DYNC2I2: variants seen among roughly 807,000 people sequenced by gnomAD.
DYNC2I2 encodes the protein dynein 2 intermediate chain 2, also known as cytoplasmic dynein 2 intermediate chain 2.
In DYNC2I2, 39 loss-of-function variants were observed where a neutral mutation model predicts 52.0. That is an observed-to-expected ratio of 0.75 (90% CI 0.58 to 0.98). DYNC2I2 has a LOEUF of 0.98. DYNC2I2 is among the 50% of genes least tolerant of loss of function. The probability of loss-of-function intolerance (pLI) is 0.00; values close to 1 mark genes in which losing one functional copy is unlikely to be tolerated. For synonymous variants in DYNC2I2, 359 were observed against 321.1 expected, an observed-to-expected ratio of 1.12 and a Z score of -1.26; for missense variants, 743 against 728.4, an observed-to-expected ratio of 1.02 and a Z score of -0.23.
intron 1 of DYNC2I2, among the ~76,000 whole-genome samples, chr9:128,649,448 G>C (rs1211145402): frequency 2.7e-5 from 4 of 149,872 alleles, no homozygotes; most frequent in African/African-American, 9.7e-5. Flanking sequence ...CAGCACTTTG[G>C]GAGGCCAAGG....
the DYNC2I2 span, among the ~76,000 whole-genome samples, chr9:128,682,090 G>A: frequency 6.3e-3 from 936 of 148,576 alleles, 10 homozygotes; most frequent in African/African-American, 0.019. Context: ...TGACAGTCTC[G>A]CTCTGTCGCT....
At chr9:128,680,909 C>T in the DYNC2I2 span, among the ~76,000 whole-genome samples, 1 of 152,026 alleles carries the variant, frequency 6.6e-6, no homozygotes. Flanking sequence ...CTCCTGACCT[C>T]AAGTGATTTG....
chr9:128,656,240 AGTT>A (rs1720074884), intron 1 of DYNC2I2, among the ~76,000 whole-genome samples: 1 of 152,052 alleles, frequency 6.6e-6, no homozygotes, highest in African/African-American at 2.4e-5. Context: ...AACCAAAAAA[AGTT>A]GTTTGAAATG....
Position 128,633,965 on chromosome 9 carries a change from C to G in DYNC2I2, c.1390G>C (p.Asp464His), listed in dbSNP as rs1860267538. The G allele has an allele frequency of 6.2e-7, 1 of 1,612,888 alleles. No homozygotes were observed. The highest frequency in any genetic ancestry group is 1.3e-5 in the African/African-American group (1 of 74,922). ...ASGKGDVQLF[D>H]LQKSSQKPTV... ...GGTTTCTGGGAGCTTTTCTGGAGAT[C>G]AAACAGCTGCACGTCACCTGCAAAG... Residue 464 changes from aspartate (D) to histidine (H), a missense_variant, in exon 9 of 9, where the codon GAT becomes CAT. By Grantham distance (81) the Asp-to-His change is moderately conservative. Transcript: ENST00000372715.
Position 128,640,679 on chromosome 9 carries a change from C to G in DYNC2I2, c.435+12G>C, listed in dbSNP as rs1369655434. ...GGGGCTCGACCCGAGGCTGCACCAG[C>G]CCATCCCCTACCATCTGCTGCTGCT... On this transcript the variant is annotated intron_variant, in intron 2 of 8. Coordinates refer to ENST00000372715, the MANE Select transcript of DYNC2I2 (RefSeq NM_052844.4). 32 of 1,611,666 alleles carry G rather than the reference C, an allele frequency of 2.0e-5. No individual in the cohort carries two copies. The highest frequency in any genetic ancestry group is 2.7e-5 in the Non-Finnish European group (32 of 1,178,434).
chr9:128,642,372 C>T (rs1860530526), intron 1 of DYNC2I2, among the ~76,000 whole-genome samples: 1 of 146,842 alleles, frequency 6.8e-6, no homozygotes, highest in Admixed American at 7.0e-5. Context: ...AGGAGAACTG[C>T]TTGAACCCGG....
the DYNC2I2 span, among the ~76,000 whole-genome samples, chr9:128,677,102 C>G: frequency 6.6e-6 from 1 of 151,952 alleles, no homozygotes; most frequent in East Asian, 1.9e-4. Flanking sequence ...CCTGCCTCAG[C>G]CTCCCAAAGT....
rs531835103 is a variant in DYNC2I2 at position 128,639,591 on chromosome 9, G to C, written c.435+1100C>G. 3.9e-5 allele frequency among the ~76,000 whole-genome samples: 6 copies of C among 152,142 alleles called. 1 individual carries two copies. The South Asian group carries it at 1.2e-3, about 32-fold the overall frequency. ...GAGCTGTGTGTGTGGACCTGGATAT[G>C]TCACTTAGCCTCTCTCAGCCTCATC... On this transcript the variant is annotated intron_variant, in intron 2 of 8. Coordinates refer to ENST00000372715, the MANE Select transcript of DYNC2I2 (RefSeq NM_052844.4).
At chr9:128,674,742 C>CA in the DYNC2I2 span, among the ~76,000 whole-genome samples, 5 of 151,540 alleles carry the variant, frequency 3.3e-5, no homozygotes, top group Non-Finnish European at 5.9e-5. Context: ...GACTCCGTCT[C>CA]AAAAAAAATA....
At chr9:128,676,907 GGC>G in the DYNC2I2 span, among the ~76,000 whole-genome samples, 9 of 149,964 alleles carry the variant, frequency 6.0e-5, no homozygotes, top group South Asian at 1.9e-3. Context: ...AGAATGCAGT[GGC>G]GAGATCTCTG....
chr9:128,657,002 A>G (rs1467711978), upstream of DYNC2I2, among the ~76,000 whole-genome samples: 2 of 152,256 alleles, frequency 1.3e-5, no homozygotes, highest in Admixed American at 6.5e-5. Flanking sequence ...CATTGGTGCC[A>G]GGTTCAAAGA....
rs71381783 is a variant in DYNC2I2, at chr9:128,648,631, CAAAAAAAA to C, written c.187-7700_187-7693del. Among the ~76,000 whole-genome samples, 855 of 121,314 alleles carry C rather than the reference CAAAAAAAA, an allele frequency of 7.0e-3. 6 individuals carry two copies. The highest frequency in any genetic ancestry group is 0.026 in the African/African-American group (804 of 30,528). 79.6% of individuals were successfully genotyped at this position (121,314 alleles called of 152,430 possible). A position where few individuals can be genotyped will look rare whatever the true frequency, so the allele number is the denominator to read the frequency against. On this transcript the variant is annotated intron_variant, in intron 1 of 8. Coordinates refer to ENST00000372715, the MANE Select transcript of DYNC2I2 (RefSeq NM_052844.4). ...TGAAGCCCTATCTCTACTAAAAATA[CAAAAAAAA>C]AAAAAAAAAAATTAGCCAAGCGTGT...
chr9:128,637,508 T>C (rs1860438445), intron 2 of DYNC2I2, among the ~76,000 whole-genome samples: 1 of 152,142 alleles, frequency 6.6e-6, no homozygotes, highest in Non-Finnish European at 1.5e-5. Context: ...AATGGTGCAG[T>C]CTCCACTCAC....
At chr9:128,677,921 G>T in the DYNC2I2 span, among the ~76,000 whole-genome samples, 3 of 152,100 alleles carry the variant, frequency 2.0e-5, no homozygotes, top group Non-Finnish European at 4.4e-5. Flanking sequence ...CATGTGATTC[G>T]TTTATTGGGA....
intron 1 of DYNC2I2, among the ~76,000 whole-genome samples, chr9:128,641,462 C>T (rs1163434127): frequency 6.6e-6 from 1 of 152,140 alleles, no homozygotes; most frequent in Non-Finnish European, 1.5e-5. Flanking sequence ...GCACTGCCCC[C>T]AGAGGCCTTG....
chr9:128,676,452 T>C, the DYNC2I2 span, among the ~76,000 whole-genome samples: 1 of 151,976 alleles, frequency 6.6e-6, no homozygotes, highest in Non-Finnish European at 1.5e-5. Context: ...ATCCTGCCAT[T>C]ACACTCCAGC....
chr9:128,654,227 G>C (rs1413432669), intron 1 of DYNC2I2, among the ~76,000 whole-genome samples: 1 of 152,136 alleles, frequency 6.6e-6, no homozygotes, highest in East Asian at 1.9e-4. Flanking sequence ...CAGCTGGGCA[G>C]ACTTCTAGGC....
In DYNC2I2 at chr9:128,639,660, T is replaced by G. The variant is rs548089930; in HGVS notation, c.435+1031A>C. Among the ~76,000 whole-genome samples the G allele has an allele frequency of 1.9e-4, 29 of 152,102 alleles. No homozygotes were observed. In the East Asian group the frequency reaches 2.5e-3, roughly 13 times the overall value. On this transcript the variant is annotated intron_variant, in intron 2 of 8. Coordinates refer to ENST00000372715, the MANE Select transcript of DYNC2I2 (RefSeq NM_052844.4). The stretch of plus-strand genomic sequence containing the variant: ...ATAGCACTACCTCATACAGTTTTTT[T>G]TTGTTGTTTTTTTGTCTTTTTTTGA...
chr9:128,671,171 G>A, the DYNC2I2 span, among the ~76,000 whole-genome samples: 8 of 151,896 alleles, frequency 5.3e-5, no homozygotes, highest in South Asian at 1.7e-3. Context: ...GCACAGTGAT[G>A]AGCACCTGTC....
Sources: gnomAD v4.1 joint callset for allele counts (sites outside exome capture counted in the v4.1 genomes callset) on GRCh38, gnomAD v4.1.1 for gene constraint, MANE v1.5 for transcripts, NCBI Gene and HGNC (gene_info 2026-07-23, HGNC 2026-07-21) for gene names.